Variants in ZFHX3 observed in about 807,000 individuals in gnomAD.
ZFHX3 encodes zinc finger homeobox protein 3.
ZFHX3 carries 42 observed loss-of-function variants against 279.1 expected under a neutral mutation model. That is an observed-to-expected ratio of 0.15 (90% CI 0.12 to 0.19). ZFHX3 has a LOEUF of 0.19. ZFHX3 is among the 10% of genes least tolerant of loss of function. ZFHX3 has a pLI of 1.00. For synonymous variants in ZFHX3, 2,293 were observed against 1,957.8 expected (o/e 1.17, Z -4.52); for missense variants, 4,981 against 4,754.0 (o/e 1.05, Z -1.40).
intron 2 of ZFHX3, among the ~76,000 whole-genome samples, chr16:73,630,089 T>A (rs1246428289): frequency 2.0e-5 from 3 of 152,176 alleles, no homozygotes; most frequent in African/African-American, 4.8e-5. Flanking sequence ...ACAGGTGTCA[T>A]GATATTTCAG....
At chr16:72,909,311 T>C (rs2039261015) in intron 3 of ZFHX3, among the ~76,000 whole-genome samples, 1 of 152,146 alleles carries the variant, frequency 6.6e-6, no homozygotes, top group African/African-American at 2.4e-5. Context: ...CTGTCTCAAC[T>C]ACTCAATTCT....
At chr16:73,743,988 T>C (rs1460762134) in intron 1 of ZFHX3, among the ~76,000 whole-genome samples, 2 of 152,216 alleles carry the variant, frequency 1.3e-5, no homozygotes, top group African/African-American at 2.4e-5. Context: ...ACAGTCTTCA[T>C]GCTCAAAATT....
chr16:73,861,667 G>A (rs913544670), intron 1 of ZFHX3, among the ~76,000 whole-genome samples: 3 of 152,254 alleles, frequency 2.0e-5, no homozygotes, highest in East Asian at 1.9e-4. Flanking sequence ...CTGAATTGCC[G>A]TGACTCAGAG....
chr16:73,368,956 C>T (rs1388303447), intron 3 of ZFHX3, among the ~76,000 whole-genome samples: 1 of 152,210 alleles, frequency 6.6e-6, no homozygotes, highest in African/African-American at 2.4e-5. Context: ...GGAAAGCCAT[C>T]TCCAGAATCC....
chr16:72,786,066 G>A lies in ZFHX3; in HGVS notation c.*1098C>T, dbSNP rs2035355773. ...GATTATAGGACGGGAGGTGGGAGAA[G>A]GAAAGAGAAAGTGGAATTAAGGGAC... On this transcript the variant is annotated 3_prime_UTR_variant, in exon 10 of 10. Transcript: ENST00000268489. The A allele has an allele frequency of 6.6e-6, 1 of 152,020 alleles. No individual in the cohort carries two copies. Among genetic ancestry groups the A allele is most frequent in the African/African-American group, 2.4e-5 (1 of 41,378 alleles). 9.4% of individuals were successfully genotyped at this position (152,020 alleles called of 1,614,324 possible).
At chr16:72,964,303 CA>C (rs1190040715) in intron 1 of ZFHX3, among the ~76,000 whole-genome samples, 2 of 152,140 alleles carry the variant, frequency 1.3e-5, no homozygotes, top group African/African-American at 4.8e-5. Flanking sequence ...TGGGCAAAAA[CA>C]GACCCTAAAT....
At chr16:73,220,952 G>T (rs1267435596) in intron 5 of ZFHX3, among the ~76,000 whole-genome samples, 1 of 152,158 alleles carries the variant, frequency 6.6e-6, no homozygotes, top group African/African-American at 2.4e-5. Context: ...GTGGTCCAGG[G>T]AATCTCTGGG....
chr16:73,532,613 C>T (rs1188223082), intron 2 of ZFHX3, among the ~76,000 whole-genome samples: 1 of 152,164 alleles, frequency 6.6e-6, no homozygotes, highest in African/African-American at 2.4e-5. Context: ...ATCCTCACTC[C>T]CCACTTACTA....
At chr16:73,500,745 T>A (rs1212327104) in intron 2 of ZFHX3, among the ~76,000 whole-genome samples, 1 of 150,062 alleles carries the variant, frequency 6.7e-6, no homozygotes, top group African/African-American at 2.5e-5. Context: ...AATACTTTTG[T>A]ATAGCTTAAA....
intron 3 of ZFHX3, among the ~76,000 whole-genome samples, chr16:73,358,911 A>T (rs987527219): frequency 2.0e-5 from 3 of 152,224 alleles, no homozygotes; most frequent in Admixed American, 2.0e-4. Context: ...AATAAGAGTC[A>T]CCTTATAAAG....
At chr16:73,394,359 C>T (rs1049382643) in intron 3 of ZFHX3, among the ~76,000 whole-genome samples, 3 of 151,400 alleles carry the variant, frequency 2.0e-5, no homozygotes, top group Admixed American at 6.6e-5. Context: ...TGCAGTGGTG[C>T]GATCTTGGCC....
At chr16:72,929,328 G>A (rs1959663446) in intron 3 of ZFHX3, among the ~76,000 whole-genome samples, 1 of 151,770 alleles carries the variant, frequency 6.6e-6, no homozygotes. Flanking sequence ...CTACCTATAT[G>A]TTAAATTAAC....
At chr16:73,795,644 A>G (rs983366685) in intron 1 of ZFHX3, among the ~76,000 whole-genome samples, 1 of 152,228 alleles carries the variant, frequency 6.6e-6, no homozygotes, top group African/African-American at 2.4e-5. Flanking sequence ...AGAATCATGA[A>G]GAACAACGAC....
chr16:73,681,616 C>CT (rs2053010862), intron 1 of ZFHX3, among the ~76,000 whole-genome samples: 1 of 152,174 alleles, frequency 6.6e-6, no homozygotes, highest in African/African-American at 2.4e-5. Flanking sequence ...ACGGCTAAGT[C>CT]TGGCAAGGCT....
chr16:73,559,053 T>C (rs1424702417), intron 2 of ZFHX3, among the ~76,000 whole-genome samples: 6 of 151,722 alleles, frequency 4.0e-5, no homozygotes, highest in African/African-American at 1.2e-4. Context: ...TTTGTGTGTG[T>C]GTGTGTGTGT....
intron 3 of ZFHX3, among the ~76,000 whole-genome samples, chr16:73,328,755 G>A (rs1336290949): frequency 6.6e-6 from 1 of 152,198 alleles, no homozygotes; most frequent in Non-Finnish European, 1.5e-5. Flanking sequence ...TAAAACCAGG[G>A]TGATTGCTGC....
At chr16:73,210,202 G>T (rs564563775) in intron 5 of ZFHX3, among the ~76,000 whole-genome samples, 2 of 152,300 alleles carry the variant, frequency 1.3e-5, no homozygotes, top group South Asian at 4.2e-4. Flanking sequence ...TTAGAGAAAT[G>T]TCTAAAATCG....
intron 4 of ZFHX3, among the ~76,000 whole-genome samples, chr16:72,856,131 G>T (rs550121314): frequency 6.6e-6 from 1 of 152,240 alleles, no homozygotes; most frequent in African/African-American, 2.4e-5. Context: ...TTAGCAATGA[G>T]TGTTTAGAGC....
At chr16:72,814,055 C>T (rs1454173048) in intron 5 of ZFHX3, among the ~76,000 whole-genome samples, 3 of 152,162 alleles carry the variant, frequency 2.0e-5, no homozygotes, top group African/African-American at 7.2e-5. Context: ...AATGCATTCT[C>T]AAGATGGGGT....
Sources: gnomAD v4.1 joint callset for allele counts (sites outside exome capture counted in the v4.1 genomes callset) on GRCh38, gnomAD v4.1.1 for gene constraint, MANE v1.5 for transcripts, NCBI Gene and HGNC (gene_info 2026-07-23, HGNC 2026-07-21) for gene names.